The following PCDHGA11 variants were observed in gnomAD, a reference collection of about 807,000 sequenced individuals.
PCDHGA11 encodes the protein protocadherin gamma-A11.
In PCDHGA11, 39 loss-of-function variants were observed where a neutral mutation model predicts 60.4. The observed-to-expected ratio is 0.65, with a 90% CI of 0.50 to 0.84. The LOEUF is 0.84. Among genes scored for constraint, PCDHGA11 ranks in the 40% least tolerant of loss-of-function variants. The pLI, the probability that PCDHGA11 is intolerant of heterozygous loss-of-function variation, is 0.00. For synonymous variants in PCDHGA11, 533 were observed against 510.3 expected, an observed-to-expected ratio of 1.04 and a Z score of -0.60; for missense variants, 1,165 against 1,197.7, an observed-to-expected ratio of 0.97 and a Z score of 0.40.
At chr5:141,424,682 C>A (rs1421088073) in intron 1 of PCDHGA11, 1 of 152,062 alleles carries the variant, frequency 6.6e-6, no homozygotes, top group Non-Finnish European at 1.5e-5. Flanking sequence ...AGCTAGTATC[C>A]TTCTGGCTAT....
chr5:141,432,793 C>T lies in PCDHGA11; in HGVS notation c.2433+9133C>T. 6.2e-7 allele frequency: 1 copy of T among 1,614,150 alleles called. No individual in the cohort carries two copies. Among genetic ancestry groups the T allele is most frequent in the Admixed American group, 1.7e-5 (1 of 60,032 alleles). ...AAGTCCTGGCGGACCTCGGCAGCCT[C>T]GAGTCTCCAGCTAACTCTGAAACCT... On this transcript the variant is annotated intron_variant, in intron 1 of 3. Transcript: ENST00000398587. The surrounding 1 kb of genome is among the most constrained non-coding windows in gnomAD (Gnocchi z 6.0).
At chr5:141,444,659 C>G (rs2098443878) in intron 1 of PCDHGA11, among the ~76,000 whole-genome samples, 1 of 152,032 alleles carries the variant, frequency 6.6e-6, no homozygotes, top group African/African-American at 2.4e-5. Context: ...GAAGTTATTT[C>G]CCATTTTTTT....
chr5:141,469,394 G>A lies in PCDHGA11; in HGVS notation c.2434-25413G>A, dbSNP rs550152670. Among the ~76,000 whole-genome samples the A allele has an allele frequency of 2.5e-4, 38 of 152,198 alleles. 1 individual carries two copies. The highest frequency in any genetic ancestry group is 8.4e-4 in the African/African-American group (35 of 41,514). On this transcript the variant is annotated intron_variant, in intron 1 of 3. Coordinates refer to ENST00000398587, the MANE Select transcript of PCDHGA11 (RefSeq NM_018914.3). ...GATCGAGACCATCCTGGCCAACATG[G>A]TGAAACCCCGTTTCTACTAAAAATA...
At chr5:141,440,868 T>A (rs1288344051) in intron 1 of PCDHGA11, 1 of 152,150 alleles carries the variant, frequency 6.6e-6, no homozygotes, top group East Asian at 1.9e-4. Flanking sequence ...ATCTAGGATG[T>A]GTACAGCGTC....
chr5:141,424,294 C>G (rs1260250688), intron 1 of PCDHGA11: 1 of 152,470 alleles, frequency 6.6e-6, no homozygotes, highest in Non-Finnish European at 1.5e-5. Context: ...ATTTCTTCAT[C>G]CTATCAACAC....
In PCDHGA11 at chr5:141,486,370, T is replaced by A; in HGVS notation, c.2434-8437T>A. On this transcript the variant is annotated intron_variant, in intron 1 of 3. Transcript: ENST00000398587. This position sits in a 1 kb window ranked among gnomAD's most constrained non-coding sequence, Gnocchi z 5.0. ...ACCACTTGCCATTTGCCCTCAAGTC[T>A]GCCTTCAGGAACCAGTTCTCCCTGG... 1 of 1,614,106 alleles carries A rather than the reference T, an allele frequency of 6.2e-7. No homozygotes were observed. The highest frequency in any genetic ancestry group is 8.5e-7 in the Non-Finnish European group (1 of 1,179,986).
At chr5:141,457,062 T>C (rs1168687034) in intron 1 of PCDHGA11, among the ~76,000 whole-genome samples, 1 of 152,232 alleles carries the variant, frequency 6.6e-6, no homozygotes, top group Non-Finnish European at 1.5e-5. Context: ...GCTTCCTTTT[T>C]GCCAGTAACT....
intron 1 of PCDHGA11, chr5:141,430,541 C>T: frequency 2.5e-6 from 1 of 392,344 alleles, no homozygotes; most frequent in Non-Finnish European, 4.5e-6. Flanking sequence ...ACTCTGAGCG[C>T]CGCTGTTCAC....
chr5:141,498,971 GGGAAGGAAGGAAGGAAGGAAGGAAGGAA>G (rs201769957), intron 2 of PCDHGA11, among the ~76,000 whole-genome samples: 8 of 111,052 alleles, frequency 7.2e-5, no homozygotes, highest in South Asian at 3.8e-4. Flanking sequence ...GAGGGAGGGA[GGGAAGGAAGGAAGGAAGGAAGGAAGGAA>G]GGAAGGAAGG....
chr5:141,487,656 C>G lies in PCDHGA11; in HGVS notation c.2434-7151C>G. ...GCTCAACAAATGCTTGAGGGTTATT[C>G]TGATCCAGGCATATGGCTAGGCCAT... On this transcript the variant is annotated intron_variant, in intron 1 of 3. Coordinates refer to ENST00000398587, the MANE Select transcript of PCDHGA11 (RefSeq NM_018914.3). The surrounding 1 kb of genome is among the most constrained non-coding windows in gnomAD (Gnocchi z 5.0). 6.2e-7 allele frequency: 1 copy of G among 1,613,658 alleles called. No individual in the cohort carries two copies. Among genetic ancestry groups the G allele is most frequent in the Non-Finnish European group, 8.5e-7 (1 of 1,179,794 alleles).
chr5:141,506,834 C>T (rs2099856597), intron 3 of PCDHGA11, among the ~76,000 whole-genome samples: 1 of 152,140 alleles, frequency 6.6e-6, no homozygotes, highest in Non-Finnish European at 1.5e-5. Flanking sequence ...ACTGATAGCC[C>T]TGCCCTCCAG....
intron 1 of PCDHGA11, among the ~76,000 whole-genome samples, chr5:141,444,095 T>C (rs1012556994): frequency 2.0e-5 from 3 of 150,676 alleles, no homozygotes; most frequent in Admixed American, 1.3e-4. Flanking sequence ...CTGCTAAGGA[T>C]TGGAAACCAA....
chr5:141,430,577 C>A, intron 1 of PCDHGA11: 1 of 464,652 alleles, frequency 2.2e-6, no homozygotes. Context: ...AAGCGGAGAT[C>A]CTGCTCGCCT....
chr5:141,482,248 C>G (rs1056466272), intron 1 of PCDHGA11, among the ~76,000 whole-genome samples: 1 of 152,084 alleles, frequency 6.6e-6, no homozygotes, highest in African/African-American at 2.4e-5. Context: ...AAGTATAGTA[C>G]TGTACATATT....
In PCDHGA11 at chr5:141,491,169, G is replaced by A. The variant is rs374498014; in HGVS notation, c.2434-3638G>A. The A allele has an allele frequency of 1.2e-6, 2 of 1,614,192 alleles. No homozygotes were observed. Among genetic ancestry groups the A allele is most frequent in the African/African-American group, 1.3e-5 (1 of 75,058 alleles). On this transcript the variant is annotated intron_variant, in intron 1 of 3. Transcript: ENST00000398587. The surrounding 1 kb of genome is among the most constrained non-coding windows in gnomAD (Gnocchi z 6.9). ...TGGAGGATGACTCTGACACCCAGCA[G>A]GTGGTGGTCCTGGTGAGGGACAATG...
chr5:141,453,796 T>C (rs1592274016), intron 1 of PCDHGA11, among the ~76,000 whole-genome samples: 1 of 152,242 alleles, frequency 6.6e-6, no homozygotes, highest in East Asian at 1.9e-4. Context: ...ATATTAACTT[T>C]GAGTAGTTCC....
chr5:141,468,486 TG>T (rs1562016448), intron 1 of PCDHGA11: 14 of 152,288 alleles, frequency 9.2e-5, no homozygotes. Context: ...GTAGGTCTCA[TG>T]GAAGATTTTC....
In PCDHGA11 at chr5:141,476,178, T is replaced by G; in HGVS notation, c.2434-18629T>G. Reference sequence around the variant, plus strand: ...ACCGGGAGGGTAGTGGGAGTTTTGCTTCTGCTTGGTGCCTTGAACAAGGCT... The same window carrying G: ...ACCGGGAGGGTAGTGGGAGTTTTGCGTCTGCTTGGTGCCTTGAACAAGGCT... On this transcript the variant is annotated intron_variant, in intron 1 of 3. Transcript: ENST00000398587. This position sits in a 1 kb window ranked among gnomAD's most constrained non-coding sequence, Gnocchi z 7.6. The G allele has an allele frequency of 3.1e-6, 5 of 1,613,632 alleles. No homozygotes were observed. Among genetic ancestry groups the G allele is most frequent in the Non-Finnish European group, 4.2e-6 (5 of 1,180,000 alleles).
chr5:141,475,116 C>G (rs1383017919), intron 1 of PCDHGA11, among the ~76,000 whole-genome samples: 2 of 152,128 alleles, frequency 1.3e-5, no homozygotes, highest in African/African-American at 4.8e-5. Context: ...GTAAATAGGC[C>G]TGGCTTTTTT....
Sources: gnomAD v4.1 joint callset for allele counts (sites outside exome capture counted in the v4.1 genomes callset) on GRCh38, gnomAD v4.1.1 for gene constraint, Gnocchi (gnomAD v3.1) non-coding constraint, MANE v1.5 for transcripts, NCBI Gene and HGNC (gene_info 2026-07-23, HGNC 2026-07-21) for gene names.